Variants in CSGALNACT2 observed in about 807,000 individuals in gnomAD.
CSGALNACT2 encodes chondroitin sulfate N-acetylgalactosaminyltransferase 2, also known as beta 4 GalNAcT-2.
Under a neutral mutation model 55.3 loss-of-function variants are expected in CSGALNACT2, and 35 were observed. The observed-to-expected ratio is 0.63, with a 90% CI of 0.48 to 0.84. The LOEUF is 0.84. Among genes scored for constraint, CSGALNACT2 ranks in the 40% least tolerant of loss-of-function variants. The pLI is 0.00. For synonymous variants in CSGALNACT2, 196 were observed against 224.9 expected (o/e 0.87, Z 1.15); for missense variants, 544 against 657.5 (o/e 0.83, Z 1.89).
At chr10:43,180,855 T>A (rs911685197) in intron 7 of CSGALNACT2, among the ~76,000 whole-genome samples, 6 of 152,198 alleles carry the variant, frequency 3.9e-5, no homozygotes, top group Non-Finnish European at 4.4e-5. Flanking sequence ...CCTCCTCTCC[T>A]GGACAGGATG....
chr10:43,169,729 GT>G (rs1170386475), intron 6 of CSGALNACT2, among the ~76,000 whole-genome samples: 3 of 152,206 alleles, frequency 2.0e-5, no homozygotes, highest in Non-Finnish European at 2.9e-5. Context: ...ATCTTCTGGT[GT>G]TTGGAGAACA....
chr10:43,140,329 C>G (rs1239018260), intron 1 of CSGALNACT2, among the ~76,000 whole-genome samples: 1 of 151,990 alleles, frequency 6.6e-6, no homozygotes, highest in East Asian at 1.9e-4. Flanking sequence ...CATACCATTA[C>G]CAACCAAAGG....
intron 5 of CSGALNACT2, among the ~76,000 whole-genome samples, chr10:43,165,322 ACTTACAAATTGCT>A (rs1234722979): frequency 2.0e-5 from 3 of 152,164 alleles, no homozygotes; most frequent in Admixed American, 2.0e-4. Flanking sequence ...TGTATTGTAT[ACTTACAAATTGCT>A]AAGCCAGTAG....
chr10:43,143,199 A>G (rs2133088405), intron 1 of CSGALNACT2, among the ~76,000 whole-genome samples: 1 of 152,356 alleles, frequency 6.6e-6, no homozygotes, highest in African/African-American at 2.4e-5. Flanking sequence ...AATATTTGCA[A>G]CATGGTAACA....
At chr10:43,180,479 TG>T (rs1839569546) in intron 7 of CSGALNACT2, among the ~76,000 whole-genome samples, 2 of 152,236 alleles carry the variant, frequency 1.3e-5, no homozygotes, top group Non-Finnish European at 2.9e-5. Context: ...TCCATCTCAC[TG>T]CTTATGTTCC....
intron 1 of CSGALNACT2, among the ~76,000 whole-genome samples, chr10:43,141,142 G>C (rs1838611533): frequency 6.6e-6 from 1 of 152,196 alleles, no homozygotes; most frequent in African/African-American, 2.4e-5. Flanking sequence ...ACTTTGGAAG[G>C]CCGAGGCAGG....
At chr10:43,168,000 T>G (rs562098977) in intron 6 of CSGALNACT2, among the ~76,000 whole-genome samples, 200 of 152,118 alleles carry the variant, frequency 1.3e-3, no homozygotes, top group Non-Finnish European at 2.4e-3. Context: ...AGTAGACAGA[T>G]TTCAGGTAAA....
intron 1 of CSGALNACT2, among the ~76,000 whole-genome samples, chr10:43,143,025 C>G (rs566357575): frequency 1.3e-5 from 2 of 152,270 alleles, no homozygotes; most frequent in Admixed American, 1.3e-4. Flanking sequence ...TAATTATACT[C>G]TAAGGTAGGT....
chr10:43,179,586 C>T (rs1359522022), intron 7 of CSGALNACT2, among the ~76,000 whole-genome samples: 1 of 152,176 alleles, frequency 6.6e-6, no homozygotes, highest in Non-Finnish European at 1.5e-5. Flanking sequence ...GGTATCACTC[C>T]TATTAGACTC....
Position 43,163,905 on chromosome 10 carries a change from T to C in CSGALNACT2, c.1020T>C (p.Asn340=), listed in dbSNP as rs751708756. The C allele has an allele frequency of 6.2e-7, 1 of 1,614,166 alleles. No homozygotes were observed. Among genetic ancestry groups the C allele is most frequent in the Non-Finnish European group, 8.5e-7 (1 of 1,180,002 alleles). The stretch of plus-strand genomic sequence containing the variant: ...ACAATTACACCTTGGTCTCATTGAA[T>C]GAAGAATTTAATCGTGGACGAGGAC... ...NFHNYTLVSL[N]EEFNRGRGLN... is the part of the protein sequence containing the mutation. Residue 340 remains asparagine, a synonymous_variant, in exon 5 of 8, where the codon AAT becomes AAC. Coordinates refer to ENST00000374466, the MANE Select transcript of CSGALNACT2 (RefSeq NM_018590.5).
intron 2 of CSGALNACT2, among the ~76,000 whole-genome samples, chr10:43,157,382 C>G (rs1351410757): frequency 6.6e-6 from 1 of 152,228 alleles, no homozygotes; most frequent in African/African-American, 2.4e-5. Context: ...TTTTCCTCTA[C>G]TGTGCCACTG....
chr10:43,157,700 GTCTAACCT>G (rs1351023454), intron 2 of CSGALNACT2, among the ~76,000 whole-genome samples: 2 of 151,992 alleles, frequency 1.3e-5, no homozygotes, highest in Admixed American at 6.6e-5. Context: ...ACATCTGTAG[GTCTAACCT>G]TCTTCTCTCT....
At chr10:43,175,858 G>A in intron 6 of CSGALNACT2, 93 bp from the exon 7 acceptor site, 2 of 1,081,662 alleles carry the variant, frequency 1.8e-6, no homozygotes, top group South Asian at 1.4e-5. Context: ...CAGGAAAAAA[G>A]TATACATTAG....
intron 1 of CSGALNACT2, among the ~76,000 whole-genome samples, chr10:43,152,915 T>G (rs1838908362): frequency 6.6e-6 from 1 of 152,180 alleles, no homozygotes. Flanking sequence ...ATGCTAGGGA[T>G]TATGGTTTTG....
chr10:43,156,233 G>A (rs775160099), intron 2 of CSGALNACT2, among the ~76,000 whole-genome samples: 45 of 152,094 alleles, frequency 3.0e-4, no homozygotes, highest in Non-Finnish European at 5.0e-4. Context: ...GCTATTTTTC[G>A]TATTGGAGGA....
chr10:43,179,888 C>T (rs1392385336), intron 7 of CSGALNACT2, among the ~76,000 whole-genome samples: 1 of 152,234 alleles, frequency 6.6e-6, no homozygotes, highest in Non-Finnish European at 1.5e-5. Flanking sequence ...CTTCTCTAAA[C>T]TCTGAACTTC....
At chr10:43,170,985 G>T (rs2133143815) in intron 6 of CSGALNACT2, among the ~76,000 whole-genome samples, 1 of 152,274 alleles carries the variant, frequency 6.6e-6, no homozygotes, top group Middle Eastern at 3.4e-3. Flanking sequence ...ATAGCCAAGA[G>T]GAGACTAAGG....
chr10:43,153,499 C>CA (rs917391931), intron 1 of CSGALNACT2, among the ~76,000 whole-genome samples: 2,500 of 137,946 alleles, frequency 0.018, 23 homozygotes, highest in African/African-American at 0.024. Flanking sequence ...GACATGTTAC[C>CA]AAAAAAAAAA....
intron 7 of CSGALNACT2, among the ~76,000 whole-genome samples, chr10:43,179,713 C>T (rs1047382717): frequency 6.6e-6 from 1 of 152,244 alleles, no homozygotes; most frequent in Middle Eastern, 3.4e-3. Context: ...TGCAGCAAGT[C>T]TTTGAGATTT....
Sources: allele counts gnomAD v4.1 joint callset (sites outside exome capture counted in the v4.1 genomes callset), GRCh38; gene constraint gnomAD v4.1.1; transcripts MANE v1.5; gene names NCBI Gene and HGNC (gene_info 2026-07-23, HGNC 2026-07-21).